The following NEBL variants were observed in gnomAD, a reference collection of about 807,000 sequenced individuals.
The protein encoded by NEBL is nebulette.
A neutral mutation model predicts 140.2 loss-of-function variants in NEBL; 122 were observed. That is an observed-to-expected ratio of 0.87 (90% CI 0.75 to 1.01). The LOEUF is 1.01. NEBL is among the 50% of genes least tolerant of loss of function. The probability of loss-of-function intolerance (pLI) is 0.00; values close to 1 mark genes in which losing one functional copy is unlikely to be tolerated. For synonymous variants in NEBL, 436 were observed against 398.9 expected, an observed-to-expected ratio of 1.09 and a Z score of -1.11; for missense variants, 1,365 against 1,231.3, an observed-to-expected ratio of 1.11 and a Z score of -1.62.
At chr10:21,072,673 T>C (rs887784069) in intron 2 of NEBL, among the ~76,000 whole-genome samples, 6 of 152,204 alleles carry the variant, frequency 3.9e-5, no homozygotes, top group Non-Finnish European at 8.8e-5. Flanking sequence ...GTCATCTCTA[T>C]TCAAGTGACA....
At chr10:20,954,025 GAA>G (rs200642113) in intron 4 of NEBL, among the ~76,000 whole-genome samples, 5,849 of 125,648 alleles carry the variant, frequency 0.047, 300 homozygotes, top group African/African-American at 0.15. Context: ...TCTTCTTAAG[GAA>G]AAAAAAAAAA....
At chr10:20,941,391 T>C (rs1426112046) in intron 4 of NEBL, among the ~76,000 whole-genome samples, 1 of 152,172 alleles carries the variant, frequency 6.6e-6, no homozygotes, top group East Asian at 1.9e-4. Context: ...ACAACCTTCA[T>C]GCTAAAAACT....
In NEBL at chr10:20,880,944, T is replaced by A. The variant is rs372053968; in HGVS notation, c.370-40A>T. The A allele has an allele frequency of 3.3e-6, 5 of 1,506,498 alleles. No homozygotes were observed. The East Asian group carries it at 1.1e-4, about 34-fold the overall frequency. The allele number at this position is 1,506,498 out of a possible 1,614,324, so 93.3% of individuals were successfully genotyped here. ...TAATTTTTAGTCCCATTTAGAGGCA[T>A]ATAAATTCTTGCCTGCTAATTTCAG... is the stretch of plus-strand genomic sequence containing the variant. On this transcript the variant is annotated intron_variant, in intron 4 of 27. Transcript: ENST00000377122.
chr10:20,879,594 T>C (rs551350430), intron 5 of NEBL, among the ~76,000 whole-genome samples: 112 of 152,300 alleles, frequency 7.4e-4, no homozygotes, highest in African/African-American at 2.6e-3. Flanking sequence ...GAAAACACTC[T>C]GCACAGTGGG....
At chr10:21,028,235 C>CAAAAAAAAAAAAAAAA (rs1168946872) in intron 2 of NEBL, among the ~76,000 whole-genome samples, 6 of 66,236 alleles carry the variant, frequency 9.1e-5, no homozygotes, top group African/African-American at 1.4e-4. Flanking sequence ...TCAAACATCT[C>CAAAAAAAAAAAAAAAA]AAAAAAAAAA....
intron 2 of NEBL, among the ~76,000 whole-genome samples, chr10:21,138,107 C>A (rs1457530798): frequency 6.6e-6 from 1 of 152,034 alleles, no homozygotes; most frequent in African/African-American, 2.4e-5. Flanking sequence ...ATATCTATAA[C>A]CCTAAAGAAC....
intron 3 of NEBL, 63 bp from the exon 4 acceptor site, chr10:20,888,270 T>C: frequency 1.0e-6 from 1 of 996,572 alleles, no homozygotes; most frequent in Non-Finnish European, 1.5e-6. Flanking sequence ...AAACTGTGAT[T>C]ATAAGTAGAA....
chr10:21,051,891 A>G (rs1834794989), intron 2 of NEBL, among the ~76,000 whole-genome samples: 1 of 152,054 alleles, frequency 6.6e-6, no homozygotes, highest in African/African-American at 2.4e-5. Flanking sequence ...TTCACCTATG[A>G]GGGTGTGGTG....
chr10:21,164,588 T>C lies in NEBL; in HGVS notation c.164+7795A>G, dbSNP rs557770970. Among the ~76,000 whole-genome samples the C allele has an allele frequency of 9.9e-4, 150 of 152,272 alleles. 1 individual carries two copies. The highest frequency in any genetic ancestry group is 3.2e-3 in the African/African-American group (134 of 41,546). ...CTGACATCATTCCATAATAAATACA[T>C]CATCATAAACAGGCAGAACTTACAC... On this transcript the variant is annotated intron_variant, in intron 2 of 6. Transcript: ENST00000417816.
At chr10:21,084,800 G>A (rs1248598488) in intron 2 of NEBL, among the ~76,000 whole-genome samples, 2 of 152,080 alleles carry the variant, frequency 1.3e-5, no homozygotes, top group African/African-American at 2.4e-5. Flanking sequence ...CCAAAGCACA[G>A]GGGCATACGC....
At chr10:21,123,704 T>C (rs1354080590) in intron 2 of NEBL, among the ~76,000 whole-genome samples, 5 of 150,780 alleles carry the variant, frequency 3.3e-5, no homozygotes, top group Non-Finnish European at 7.4e-5. Flanking sequence ...CTCTGAATTC[T>C]GATGATCATA....
chr10:20,879,131 A>G (rs1845777167), intron 5 of NEBL, among the ~76,000 whole-genome samples: 1 of 152,158 alleles, frequency 6.6e-6, no homozygotes, highest in Admixed American at 6.5e-5. Flanking sequence ...TTTGCTCCCC[A>G]TTTTTAAAAA....
In NEBL at chr10:21,173,914, C is replaced by G. The variant is rs895142588; in HGVS notation, c.-81G>C. ...GTGACATCCCCCGGCGAGCCCCGCA[C>G]CGCCTCCTGGCAGGCGGGAGGGCTG... On this transcript the variant is annotated 5_prime_UTR_variant, in exon 1 of 7. Coordinates refer to the NEBL transcript ENST00000417816. This position sits in a 1 kb window ranked among gnomAD's most constrained non-coding sequence, Gnocchi z 5.7. 3.2e-6 allele frequency: 5 copies of G among 1,548,174 alleles called. No homozygotes were observed. In the African/African-American group the frequency reaches 4.2e-5, roughly 13 times the overall value.
At chr10:21,157,966 A>G (rs1223062154) in intron 2 of NEBL, among the ~76,000 whole-genome samples, 1 of 152,198 alleles carries the variant, frequency 6.6e-6, no homozygotes, top group Admixed American at 6.5e-5. Flanking sequence ...AGCCAAGGAC[A>G]GGGGCCTGAA....
intron 3 of NEBL, among the ~76,000 whole-genome samples, chr10:21,186,726 C>A (rs1407390919): frequency 6.6e-6 from 1 of 151,246 alleles, no homozygotes; most frequent in East Asian, 1.9e-4. Context: ...AGGCCCAAGA[C>A]AATTCTTCTT....
At chr10:20,899,533 T>C (rs1847757244), upstream of NEBL, 1 of 707,886 alleles carries the variant, frequency 1.4e-6, no homozygotes, top group African/African-American at 1.9e-5. Flanking sequence ...TGAACACAAA[T>C]TTTCCATTTG....
At chr10:20,815,160 T>A (rs972347133) in intron 22 of NEBL, among the ~76,000 whole-genome samples, 3 of 152,374 alleles carry the variant, frequency 2.0e-5, no homozygotes, top group South Asian at 4.1e-4. Context: ...TGGACTTTGG[T>A]GAGCAACTGA....
intron 4 of NEBL, among the ~76,000 whole-genome samples, chr10:20,918,296 T>C (rs574175758): frequency 3.9e-5 from 6 of 152,022 alleles, no homozygotes; most frequent in Non-Finnish European, 7.4e-5. Context: ...AGGCAGAGAT[T>C]GCAGTGAGCT....
chr10:21,003,528 C>T (rs138477324), intron 3 of NEBL, among the ~76,000 whole-genome samples: 16 of 152,246 alleles, frequency 1.1e-4, no homozygotes, highest in African/African-American at 2.2e-4. Flanking sequence ...TCTTCAAAGA[C>T]GGAAACCATG....
Sources: allele counts gnomAD v4.1 joint callset (sites outside exome capture counted in the v4.1 genomes callset), GRCh38; gene constraint gnomAD v4.1.1; non-coding constraint Gnocchi (gnomAD v3.1); transcripts MANE v1.5; gene names NCBI Gene and HGNC (gene_info 2026-07-23, HGNC 2026-07-21).